The following STAU1 variants were observed in gnomAD, a reference collection of about 807,000 sequenced individuals.
STAU1 encodes the protein staufen double-stranded RNA binding protein 1, also known as double-stranded RNA-binding protein Staufen homolog 1.
In STAU1, 13 loss-of-function variants were observed where a neutral mutation model predicts 62.9. That is an observed-to-expected ratio of 0.21 (90% CI 0.13 to 0.33). STAU1 has a LOEUF of 0.33. Ranked by LOEUF, STAU1 falls within the 10% of genes least tolerant of loss-of-function variation. The pLI is 1.00. For synonymous variants in STAU1, 269 were observed against 265.1 expected (o/e 1.01, Z -0.14); for missense variants, 571 against 712.1 (o/e 0.80, Z 2.25).
chr20:49,158,373 A>G, intron 3 of STAU1: 1 of 1,105,148 alleles, frequency 9.0e-7, no homozygotes, highest in Non-Finnish European at 1.2e-6. Context: ...TTTACAAGGG[A>G]AACCTGGATT....
At chr20:49,208,724 A>G in the STAU1 span, among the ~76,000 whole-genome samples, 1 of 149,638 alleles carries the variant, frequency 6.7e-6, no homozygotes, top group Non-Finnish European at 1.5e-5. Flanking sequence ...GGTTCACGCC[A>G]TTCTCCTGTC....
Position 49,117,894 on chromosome 20 carries a change from G to A in STAU1, c.1392C>T (p.Thr464=), listed in dbSNP as rs372702249. ...TTAAAATGGTCTCGGCTGTGGGCGA[G>A]GTGCCCCCATACAACAACTCTCGGG... is the stretch of plus-strand genomic sequence containing the variant. ...MIARELLYGG[T]SPTAETILKN... is the part of the protein sequence containing the mutation. The change falls in exon 11 of 14, where the codon ACC becomes ACT. Residue 464 remains threonine, a synonymous_variant. Coordinates refer to ENST00000371856, the MANE Select transcript of STAU1 (RefSeq NM_017453.4). This position sits in a 1 kb window ranked among gnomAD's most constrained non-coding sequence, Gnocchi z 4.6. 39 of 1,614,162 alleles carry A rather than the reference G, an allele frequency of 2.4e-5. No homozygotes were observed. Among genetic ancestry groups the A allele is most frequent in the Middle Eastern group, 1.6e-4 (1 of 6,062 alleles).
In STAU1 at chr20:49,117,157, A is replaced by G; in HGVS notation, c.1601T>C (p.Ile534Thr). 6.2e-7 allele frequency: 1 copy of G among 1,614,220 alleles called. No individual in the cohort carries two copies. The highest frequency in any genetic ancestry group is 8.5e-7 in the Non-Finnish European group (1 of 1,180,036). ...ATGGCAGGACTCCACATCCTTGCCG[A>G]TACCATGGCTGATCAGAGGTGGCTG... is the stretch of plus-strand genomic sequence containing the variant. Reference protein sequence around the residue: ...SSQPPLISHGIGKDVESCHDM... With the variant: ...SSQPPLISHGTGKDVESCHDM... Residue 534 changes from isoleucine to threonine, a missense_variant, in exon 12 of 14, where the codon ATC (isoleucine) becomes ACC (threonine). Around this residue, in one of 3 missense-constraint regions of STAU1, gnomAD observed 156 missense variants for 194.7 expected, o/e 0.80. Transcript: ENST00000371856. This position sits in a 1 kb window ranked among gnomAD's most constrained non-coding sequence, Gnocchi z 4.6.
At chr20:49,134,925 T>C in intron 6 of STAU1, 5 of 1,596,112 alleles carry the variant, frequency 3.1e-6, no homozygotes, top group Non-Finnish European at 4.3e-6. Context: ...GAGGAAGTTT[T>C]CGACCCTAAG....
chr20:49,126,588 C>CAAAAAAAAAAAAAAAAAAA, intron 6 of STAU1, among the ~76,000 whole-genome samples: 1 of 56,346 alleles, frequency 1.8e-5, no homozygotes, highest in Non-Finnish European at 3.7e-5. Context: ...AAAAAAAAAA[C>CAAAAAAAAAAAAAAAAAAA]AAAAAAAAAA....
chr20:49,212,645 T>G, the STAU1 span, among the ~76,000 whole-genome samples: 1 of 96,264 alleles, frequency 1.0e-5, no homozygotes, highest in South Asian at 3.8e-4. Flanking sequence ...GTTTTGCTCT[T>G]GTTGCCCAGG....
At chr20:49,171,642 T>C (rs2093598587) in intron 2 of STAU1, among the ~76,000 whole-genome samples, 1 of 152,100 alleles carries the variant, frequency 6.6e-6, no homozygotes, top group Non-Finnish European at 1.5e-5. Context: ...TGCAATATGG[T>C]TGAATGTTTT....
At chr20:49,130,505 G>A (rs2145966022) in intron 6 of STAU1, among the ~76,000 whole-genome samples, 1 of 152,154 alleles carries the variant, frequency 6.6e-6, no homozygotes, top group Admixed American at 6.5e-5. Context: ...ACTGATGGGG[G>A]CATGTTAAAG....
At chr20:49,206,753 T>TATA in the STAU1 span, among the ~76,000 whole-genome samples, 1 of 92,886 alleles carries the variant, frequency 1.1e-5, no homozygotes. Context: ...ATATATATAT[T>TATA]TTATTTTATT....
intron 2 of STAU1, among the ~76,000 whole-genome samples, chr20:49,171,700 C>T (rs1341703866): frequency 6.6e-6 from 1 of 152,078 alleles, no homozygotes; most frequent in African/African-American, 2.4e-5. Context: ...CCCAGCCCCC[C>T]AAAATAGTAA....
At chr20:49,153,815 C>T in intron 4 of STAU1, 118 bp downstream of exon 4, 2 of 1,056,860 alleles carry the variant, frequency 1.9e-6, no homozygotes, top group Non-Finnish European at 1.3e-6. Context: ...AACTTCAACA[C>T]TTGGCAGGCC....
chr20:49,199,049 G>A, the STAU1 span, among the ~76,000 whole-genome samples: 1 of 151,498 alleles, frequency 6.6e-6, no homozygotes, highest in Non-Finnish European at 1.5e-5. Flanking sequence ...GGGAGGCTGA[G>A]GCAGGAGAAT....
chr20:49,213,934 C>T, the STAU1 span, among the ~76,000 whole-genome samples: 1 of 152,182 alleles, frequency 6.6e-6, no homozygotes, highest in African/African-American at 2.4e-5. Context: ...GGGCCATGGC[C>T]AGGTGGGTGG....
chr20:49,161,427 T>A (rs2093446511), intron 3 of STAU1, among the ~76,000 whole-genome samples: 1 of 152,230 alleles, frequency 6.6e-6, no homozygotes, highest in African/African-American at 2.4e-5. Context: ...CTTGTCTAAG[T>A]ATAGTTTTTG....
intron 3 of STAU1, among the ~76,000 whole-genome samples, chr20:49,155,694 T>G (rs962581883): frequency 2.6e-5 from 4 of 152,232 alleles, no homozygotes; most frequent in Admixed American, 6.5e-5. Flanking sequence ...CCACATGAAT[T>G]ACAGATCTCT....
chr20:49,121,861 A>G (rs1056856223), intron 8 of STAU1, among the ~76,000 whole-genome samples: 3 of 152,198 alleles, frequency 2.0e-5, no homozygotes, highest in African/African-American at 7.2e-5. Flanking sequence ...TTCCAAGTTG[A>G]TTGTAATAAC....
chr20:49,168,929 G>T (rs1287922522), intron 2 of STAU1, among the ~76,000 whole-genome samples: 1 of 150,790 alleles, frequency 6.6e-6, no homozygotes, highest in African/African-American at 2.4e-5. Flanking sequence ...TTTCTATCTC[G>T]AAAGGCCCTA....
chr20:49,127,907 T>C (rs1483656949), intron 6 of STAU1, among the ~76,000 whole-genome samples: 1 of 151,668 alleles, frequency 6.6e-6, no homozygotes, highest in East Asian at 1.9e-4. Flanking sequence ...CCCAGCACTT[T>C]GGGAGGCCGA....
At chr20:49,218,258 T>C in the STAU1 span, among the ~76,000 whole-genome samples, 2 of 142,954 alleles carry the variant, frequency 1.4e-5, no homozygotes, top group Non-Finnish European at 1.5e-5. Context: ...GGAGTCTTGC[T>C]CTGTCGCCCA....
Sources: allele counts gnomAD v4.1 joint callset (sites outside exome capture counted in the v4.1 genomes callset), GRCh38; gene constraint gnomAD v4.1.1; regional missense constraint gnomAD v4.1.1; non-coding constraint Gnocchi (gnomAD v3.1); transcripts MANE v1.5; gene names NCBI Gene and HGNC (gene_info 2026-07-23, HGNC 2026-07-21).